CRTAC1: variants seen among roughly 807,000 people sequenced by gnomAD.
CRTAC1 encodes cartilage acidic protein 1.
Under a neutral mutation model 67.8 loss-of-function variants are expected in CRTAC1, and 37 were observed. The ratio of observed to expected loss-of-function variants is 0.55; its 90% CI spans 0.42 to 0.72. The LOEUF (loss-of-function observed/expected upper bound fraction) is 0.72. Among genes scored for constraint, CRTAC1 ranks in the 30% least tolerant of loss-of-function variants. CRTAC1 has a pLI of 0.00. For missense variants in CRTAC1, 780 were observed against 931.6 expected, an observed-to-expected ratio of 0.84 and a Z score of 2.12; for synonymous variants, 348 against 371.0, an observed-to-expected ratio of 0.94 and a Z score of 0.71.
chr10:97,926,904 C>T (rs964051505), intron 3 of CRTAC1, among the ~76,000 whole-genome samples: 4 of 152,174 alleles, frequency 2.6e-5, no homozygotes, highest in African/African-American at 7.2e-5. Flanking sequence ...TCTGGGTCTC[C>T]AGCCTTCACC....
intron 3 of CRTAC1, among the ~76,000 whole-genome samples, chr10:97,931,884 G>A (rs1408882829): frequency 6.6e-6 from 1 of 152,204 alleles, no homozygotes; most frequent in African/African-American, 2.4e-5. Context: ...CTAGGTTCCT[G>A]GATGTGGAGG....
intron 2 of CRTAC1, among the ~76,000 whole-genome samples, chr10:97,963,459 T>C (rs2051560337): frequency 6.6e-6 from 1 of 152,220 alleles, no homozygotes; most frequent in East Asian, 1.9e-4. Flanking sequence ...AACCACTGGC[T>C]TGGACTATTG....
Position 97,895,181 on chromosome 10 carries a change from T to G in CRTAC1, c.1486+64A>C, listed in dbSNP as rs1369961828. 4.1e-5 allele frequency: 63 copies of G among 1,530,790 alleles called. No homozygotes were observed. The highest frequency in any genetic ancestry group is 2.0e-4 in the East Asian group (9 of 44,228). The allele number at this position is 1,530,790 out of a possible 1,614,324, so 94.8% of individuals were successfully genotyped here. On this transcript the variant is annotated intron_variant, in intron 11 of 14. Transcript: ENST00000370597. The surrounding 1 kb of genome is among the most constrained non-coding windows in gnomAD (Gnocchi z 4.2). ...GCGGTGCCCAAGGATGCTCGGGCTG[T>G]GAGTCCCTGAATCAGTCAGCATCCT...
At chr10:98,011,869 G>T (rs1842916456) in intron 1 of CRTAC1, among the ~76,000 whole-genome samples, 1 of 152,210 alleles carries the variant, frequency 6.6e-6, no homozygotes. Flanking sequence ...CTGGGCGAAT[G>T]AAGAACCTAA....
intron 2 of CRTAC1, among the ~76,000 whole-genome samples, chr10:97,980,347 G>T (rs1397599496): frequency 6.6e-6 from 1 of 152,174 alleles, no homozygotes; most frequent in Non-Finnish European, 1.5e-5. Context: ...TTGTACATGG[G>T]CAAAGTTTGG....
At chr10:98,006,458 C>G (rs998481126) in intron 2 of CRTAC1, among the ~76,000 whole-genome samples, 2 of 152,180 alleles carry the variant, frequency 1.3e-5, no homozygotes, top group African/African-American at 2.4e-5. Flanking sequence ...GTCCCTCCCC[C>G]ATCCCCGCAG....
intron 1 of CRTAC1, among the ~76,000 whole-genome samples, chr10:98,020,066 C>T (rs1453634655): frequency 1.3e-5 from 2 of 152,204 alleles, no homozygotes; most frequent in South Asian, 2.1e-4. Flanking sequence ...AGTTTTTCCA[C>T]CTTTCCTGTG....
intron 2 of CRTAC1, among the ~76,000 whole-genome samples, chr10:97,950,612 GACA>G (rs951433018): frequency 1.3e-5 from 2 of 152,192 alleles, no homozygotes; most frequent in African/African-American, 2.4e-5. Context: ...GCAGAGAACA[GACA>G]GGACTTGCCT....
intron 14 of CRTAC1, among the ~76,000 whole-genome samples, chr10:97,873,282 T>C (rs1403306692): frequency 6.6e-6 from 1 of 152,200 alleles, no homozygotes; most frequent in Non-Finnish European, 1.5e-5. Flanking sequence ...ATAGGATTTG[T>C]GCACAGCTCT....
At chr10:97,898,358 A>G (rs2050489964) in intron 8 of CRTAC1, among the ~76,000 whole-genome samples, 1 of 152,166 alleles carries the variant, frequency 6.6e-6, no homozygotes. Context: ...AGATTCGGGC[A>G]ATCAGGGAAG....
At chr10:97,967,868 T>C (rs187763509) in intron 2 of CRTAC1, among the ~76,000 whole-genome samples, 1 of 152,274 alleles carries the variant, frequency 6.6e-6, no homozygotes, top group East Asian at 1.9e-4. Context: ...AACCCAGTGA[T>C]TGTTGAAACA....
chr10:97,883,990 CA>C (rs1398627621), intron 12 of CRTAC1, among the ~76,000 whole-genome samples: 1 of 152,184 alleles, frequency 6.6e-6, no homozygotes, highest in Non-Finnish European at 1.5e-5. Flanking sequence ...CTTGCCCTGC[CA>C]ATACACCAGG....
chr10:97,945,489 A>G (rs1260574196), intron 2 of CRTAC1, among the ~76,000 whole-genome samples: 1 of 152,132 alleles, frequency 6.6e-6, no homozygotes, highest in Non-Finnish European at 1.5e-5. Flanking sequence ...GTTAAATAGG[A>G]CCAGAAAACA....
chr10:97,915,811 T>C (rs931580145), intron 5 of CRTAC1, among the ~76,000 whole-genome samples: 3 of 152,200 alleles, frequency 2.0e-5, no homozygotes, highest in Non-Finnish European at 4.4e-5. Context: ...CAAATGGCTT[T>C]TGGAAGTCTG....
intron 2 of CRTAC1, among the ~76,000 whole-genome samples, chr10:97,992,071 G>A (rs1420208166): frequency 6.6e-6 from 1 of 152,200 alleles, no homozygotes; most frequent in African/African-American, 2.4e-5. Context: ...CCAGGAATCA[G>A]GTGCTGAAAT....
intron 8 of CRTAC1, among the ~76,000 whole-genome samples, chr10:97,900,479 T>C (rs531909806): frequency 2.0e-3 from 303 of 151,870 alleles, no homozygotes; most frequent in Non-Finnish European, 3.6e-3. Flanking sequence ...TTGGACCCCA[T>C]AGCCCCTTTT....
intron 2 of CRTAC1, among the ~76,000 whole-genome samples, chr10:97,976,282 T>C (rs1042852225): frequency 6.6e-6 from 1 of 152,176 alleles, no homozygotes; most frequent in Non-Finnish European, 1.5e-5. Flanking sequence ...AAACCAAATA[T>C]CTTGCATGTA....
At chr10:97,928,541 C>T (rs140285854) in intron 3 of CRTAC1, among the ~76,000 whole-genome samples, 6 of 152,314 alleles carry the variant, frequency 3.9e-5, no homozygotes, top group Admixed American at 2.0e-4. Context: ...GACCCCTTTA[C>T]GTATGAAGCG....
At position 98,029,902 on chromosome 10, in the gene CRTAC1, G is replaced by A. The variant is rs894956496; in HGVS notation, c.24+547C>T. Among the ~76,000 whole-genome samples, 1 of 151,982 alleles carries A rather than the reference G, an allele frequency of 6.6e-6. No homozygotes were observed. The highest frequency in any genetic ancestry group is 1.5e-5 in the Non-Finnish European group (1 of 67,980). On this transcript the variant is annotated intron_variant, in intron 1 of 14. Coordinates refer to ENST00000370597, the MANE Select transcript of CRTAC1 (RefSeq NM_018058.7). This position sits in a 1 kb window ranked among gnomAD's most constrained non-coding sequence, Gnocchi z 4.7. ...AGCAGCTACGCCGCGCGCGGGGCTG[G>A]CTCCCGGAGCTCTCTGCCACCCAGC...
Sources: gnomAD v4.1 joint callset for allele counts (sites outside exome capture counted in the v4.1 genomes callset) on GRCh38, gnomAD v4.1.1 for gene constraint, Gnocchi (gnomAD v3.1) non-coding constraint, MANE v1.5 for transcripts, NCBI Gene and HGNC (gene_info 2026-07-23, HGNC 2026-07-21) for gene names.